Variants in JPH2 observed in about 807,000 individuals in gnomAD.
The protein encoded by JPH2 is junctophilin 2.
A neutral mutation model predicts 55.9 loss-of-function variants in JPH2; 38 were observed. The observed-to-expected ratio is 0.68, with a 90% confidence interval of 0.52 to 0.89. The LOEUF is 0.89. Ranked by LOEUF, JPH2 falls within the 40% of genes least tolerant of loss-of-function variation. The probability of loss-of-function intolerance (pLI) is 0.00; values close to 1 mark genes in which losing one functional copy is unlikely to be tolerated. For synonymous variants in JPH2, 480 were observed against 472.4 expected (o/e 1.02, Z -0.21); for missense variants, 964 against 1,037.6 (o/e 0.93, Z 0.97).
At chr20:44,184,728 C>A (rs4812793) in intron 1 of JPH2, among the ~76,000 whole-genome samples, 67 of 152,038 alleles carry the variant, frequency 4.4e-4, no homozygotes, top group African/African-American at 1.4e-3. Flanking sequence ...CCACTGCTAC[C>A]CTCATGCTTC....
intron 2 of JPH2, among the ~76,000 whole-genome samples, chr20:44,129,504 G>A (rs1443447811): frequency 5.4e-5 from 8 of 147,812 alleles, no homozygotes; most frequent in East Asian, 2.0e-4. Context: ...GCAGTGAGCC[G>A]AGATTGCGCC....
At position 44,159,765 on chromosome 20, in the gene JPH2, T is replaced by C. The variant is rs2072592330; in HGVS notation, c.1022A>G (p.Tyr341Cys). ...LPDGHREEGK[Y>C]RHNVLVKDTK... is the part of the protein sequence containing the mutation. Reference sequence around the variant, plus strand: ...GTCCTTGACCAGCACGTTGTGGCGGTACTTGCCCTCCTCGCGGTGGCCGTC... The same window carrying C: ...GTCCTTGACCAGCACGTTGTGGCGGCACTTGCCCTCCTCGCGGTGGCCGTC... The change falls in exon 2 of 6, where the codon TAC becomes TGC. Residue 341 changes from tyrosine (Y) to cysteine (C), a missense_variant. Coordinates refer to ENST00000372980, the MANE Select transcript of JPH2 (RefSeq NM_020433.5). This position sits in a 1 kb window ranked among gnomAD's most constrained non-coding sequence, Gnocchi z 5.7. The C allele has an allele frequency of 6.2e-7, 1 of 1,613,454 alleles. No individual in the cohort carries two copies. The highest frequency in any genetic ancestry group is 1.3e-5 in the African/African-American group (1 of 75,058).
chr20:44,177,629 A>AT, intron 1 of JPH2: 1 of 1,187,314 alleles, frequency 8.4e-7, no homozygotes, highest in Non-Finnish European at 1.1e-6. Flanking sequence ...GGGACATGAG[A>AT]TTTCCAAGAT....
chr20:44,173,651 T>C (rs1471195685), intron 1 of JPH2, among the ~76,000 whole-genome samples: 1 of 152,214 alleles, frequency 6.6e-6, no homozygotes, highest in Non-Finnish European at 1.5e-5. Flanking sequence ...TGCTGTGGCT[T>C]ACACCTGTAA....
Position 44,176,314 on chromosome 20 carries a change from C to A in JPH2, c.379+10013G>T, listed in dbSNP as rs959414394. On this transcript the variant is annotated intron_variant, in intron 1 of 5. Coordinates refer to ENST00000372980, the MANE Select transcript of JPH2 (RefSeq NM_020433.5). ...TCTCATCAAATGGGTCAGATCCTAT[C>A]TGTCTTTTTTTTTTTTTTTTTTTTT... 1.0e-4 allele frequency among the ~76,000 whole-genome samples: 14 copies of A among 133,388 alleles called. No individual in the cohort carries two copies. The South Asian group carries it at 1.8e-3, about 17-fold the overall frequency. 87.5% of individuals were successfully genotyped at this position (133,388 alleles called of 152,430 possible).
At position 44,113,129 on chromosome 20, in the gene JPH2, A is replaced by AT. The variant is rs2068769912; in HGVS notation, c.*388dup. On this transcript the variant is annotated 3_prime_UTR_variant, in exon 6 of 6. Transcript: ENST00000372980. ...GTGGGAGGAAGGGGGATGGGATTGA[A>AT]TATCAATGTCCTGGTTAGGTGACAT... The AT allele has an allele frequency of 6.6e-6, 1 of 152,314 alleles. No individual in the cohort carries two copies. Among genetic ancestry groups the AT allele is most frequent in the Non-Finnish European group, 1.5e-5 (1 of 68,090 alleles). The allele number at this position is 152,314 out of a possible 1,614,324, so 9.4% of individuals were successfully genotyped here.
intron 1 of JPH2, chr20:44,177,336 G>T: frequency 1.0e-6 from 1 of 987,234 alleles, no homozygotes; most frequent in African/African-American, 1.7e-5. Context: ...GGCAGGGCCT[G>T]CTCCGGGGAA....
chr20:44,154,072 G>T (rs528232353), intron 2 of JPH2, among the ~76,000 whole-genome samples: 1 of 152,220 alleles, frequency 6.6e-6, no homozygotes, highest in African/African-American at 2.4e-5. Flanking sequence ...GTTCCCTCTC[G>T]ATCGCTTTGT....
intron 2 of JPH2, among the ~76,000 whole-genome samples, chr20:44,119,786 A>C (rs6031402): frequency 0.078 from 11,847 of 150,998 alleles, 659 homozygotes; most frequent in African/African-American, 0.17. Flanking sequence ...AGGCAGGAGA[A>C]TGGCATGAAC....
intron 1 of JPH2, among the ~76,000 whole-genome samples, chr20:44,186,030 C>T (rs565409429): frequency 3.9e-4 from 60 of 152,228 alleles, no homozygotes; most frequent in African/African-American, 1.0e-3. Flanking sequence ...TTGGGGCATA[C>T]CGAACATGCT....
chr20:44,186,231 T>C, intron 1 of JPH2, 96 bp downstream of exon 1: 1 of 1,389,442 alleles, frequency 7.2e-7, no homozygotes, highest in Admixed American at 1.8e-5. Flanking sequence ...CCCATCTGAT[T>C]CTGTGCCAAT....
At chr20:44,149,023 C>T (rs1282522616) in intron 2 of JPH2, among the ~76,000 whole-genome samples, 11 of 150,970 alleles carry the variant, frequency 7.3e-5, no homozygotes, top group South Asian at 2.1e-4. Context: ...GCTGAGATGG[C>T]GCCACTGCAC....
At position 44,116,245 on chromosome 20, in the gene JPH2, G is replaced by T; in HGVS notation, c.1430C>A (p.Thr477Asn). 6.7e-7 allele frequency: 1 copy of T among 1,492,756 alleles called. No homozygotes were observed. The highest frequency in any genetic ancestry group is 1.3e-5 in the South Asian group (1 of 77,682). 92.5% of individuals were successfully genotyped at this position (1,492,756 alleles called of 1,614,324 possible). Residue 477 changes from threonine to asparagine, a missense_variant, in exon 4 of 6, where the codon ACC (threonine) becomes AAC (asparagine). Physicochemically the swap from Thr to Asn is moderately conservative, Grantham distance 65. Transcript: ENST00000372980. ...RESPQLHERE[T>N]PRPEGGSPSP... ...CGGGGAGCCACCCTCGGGCCGAGGG[G>T]TCTCACGCTCGTGCAGCTGCGGGCT...
In JPH2 at chr20:44,160,201, G is replaced by A. The variant is rs1186898677; in HGVS notation, c.586C>T (p.Pro196Ser). ...DGPALPSPAI[P>S]RGGFALSLLA... is the part of the protein sequence containing the mutation. ...AGGCTGAGCGCGAAGCCGCCACGCG[G>A]GATGGCGGGCGAGGGCAGCGCGGGG... The change falls in exon 2 of 6, where the codon CCG (proline) becomes TCG (serine). Residue 196 changes from proline (P) to serine (S), a missense_variant. Physicochemically the swap from Pro to Ser is moderately conservative, Grantham distance 74. Transcript: ENST00000372980. This position sits in a 1 kb window ranked among gnomAD's most constrained non-coding sequence, Gnocchi z 4.9. The A allele has an allele frequency of 8.5e-6, 12 of 1,407,028 alleles. No homozygotes were observed. Among genetic ancestry groups the A allele is most frequent in the African/African-American group, 6.1e-5 (4 of 65,696 alleles). 87.2% of individuals were successfully genotyped at this position (1,407,028 alleles called of 1,614,324 possible).
rs3842435 is a variant in JPH2 at position 44,184,298 on chromosome 20, T to TC, written c.379+2028_379+2029insG. 2.4e-3 allele frequency among the ~76,000 whole-genome samples: 369 copies of TC among 151,936 alleles called. 10 individuals are homozygous for TC. In the East Asian group the frequency reaches 0.048, roughly 20 times the overall value. ...TTCTTCTTCTTCTTCTTCTTCTTCT[T>TC]TTTTTCCATCATTCTCAGCTTATAA... On this transcript the variant is annotated intron_variant, in intron 1 of 5. Coordinates refer to ENST00000372980, the MANE Select transcript of JPH2 (RefSeq NM_020433.5).
intron 1 of JPH2, among the ~76,000 whole-genome samples, chr20:44,162,783 TATATACACACACACAC>T (rs1169644766): frequency 9.7e-5 from 6 of 62,070 alleles, no homozygotes; most frequent in African/African-American, 4.1e-4. Context: ...TATATATATA[TATATACACACACACAC>T]ACACACACAC....
At chr20:44,150,428 A>G (rs2072523612) in intron 2 of JPH2, among the ~76,000 whole-genome samples, 1 of 152,252 alleles carries the variant, frequency 6.6e-6, no homozygotes, top group Admixed American at 6.5e-5. Context: ...CATGGATTGG[A>G]AGACTTAAAA....
intron 1 of JPH2, among the ~76,000 whole-genome samples, chr20:44,166,260 C>A (rs1003665619): frequency 3.3e-5 from 5 of 152,174 alleles, no homozygotes; most frequent in African/African-American, 1.2e-4. Flanking sequence ...CCATCAAGGA[C>A]AAAGGACTCA....
chr20:44,161,378 A>G (rs2425627), intron 1 of JPH2, among the ~76,000 whole-genome samples: 101,492 of 151,936 alleles, frequency 0.67, 34,961 homozygotes, highest in Admixed American at 0.8. Flanking sequence ...TCCTGGGATT[A>G]AGATGCCTTA....
Sources: allele counts gnomAD v4.1 joint callset (sites outside exome capture counted in the v4.1 genomes callset), GRCh38; gene constraint gnomAD v4.1.1; non-coding constraint Gnocchi (gnomAD v3.1); transcripts MANE v1.5; gene names NCBI Gene and HGNC (gene_info 2026-07-23, HGNC 2026-07-21).